The following AHI1 variants were observed in gnomAD, a reference collection of about 807,000 sequenced individuals.
AHI1 encodes jouberin.
AHI1 carries 123 observed loss-of-function variants against 149.3 expected under a neutral mutation model. That is an observed-to-expected ratio of 0.82 (90% CI 0.71 to 0.96). AHI1 has a LOEUF of 0.96. AHI1 is among the 40% of genes least tolerant of loss of function. AHI1 has a pLI of 0.00. For missense variants in AHI1, 1,439 were observed against 1,422.7 expected (o/e 1.01, Z -0.18); for synonymous variants, 475 against 459.8 (o/e 1.03, Z -0.42).
intron 5 of AHI1, among the ~76,000 whole-genome samples, chr6:135,478,856 C>G (rs566252499): frequency 1.3e-5 from 2 of 152,364 alleles, no homozygotes; most frequent in East Asian, 3.9e-4. Flanking sequence ...GGCCTCACTG[C>G]TCTGTGCAGC....
chr6:135,423,194 A>G (rs1403363002), intron 20 of AHI1, among the ~76,000 whole-genome samples: 1 of 152,192 alleles, frequency 6.6e-6, no homozygotes, highest in Non-Finnish European at 1.5e-5. Flanking sequence ...GACACAGTAA[A>G]TGCTTGATAA....
At chr6:135,304,483 T>A (rs895910393) in intron 26 of AHI1, among the ~76,000 whole-genome samples, 1 of 152,108 alleles carries the variant, frequency 6.6e-6, no homozygotes, top group Non-Finnish European at 1.5e-5. Flanking sequence ...TAACAAAAAG[T>A]GAAGACCGCC....
intron 5 of AHI1, among the ~76,000 whole-genome samples, chr6:135,482,893 G>GTTTTTTTTTTTTTTT (rs1491384083): frequency 0.03 from 171 of 5,714 alleles, 3 homozygotes; most frequent in Middle Eastern, 0.14. Context: ...TCCATTTAAG[G>GTTTTTTTTTTTTTTT]CTTTTTTTTT....
chr6:135,390,784 C>A (rs1778374186), intron 23 of AHI1, among the ~76,000 whole-genome samples: 1 of 152,102 alleles, frequency 6.6e-6, no homozygotes. Flanking sequence ...CATGTTTACT[C>A]TACTTTTCAG....
At chr6:135,437,038 G>T (rs1416016075) in intron 15 of AHI1, among the ~76,000 whole-genome samples, 2 of 152,180 alleles carry the variant, frequency 1.3e-5, no homozygotes, top group Admixed American at 6.5e-5. Flanking sequence ...CGTCAGTCAC[G>T]TGCCTCTTTG....
intron 25 of AHI1, among the ~76,000 whole-genome samples, chr6:135,321,638 T>G (rs1186158676): frequency 2.6e-5 from 4 of 152,160 alleles, no homozygotes; most frequent in Non-Finnish European, 5.9e-5. Context: ...AAACTTAGGT[T>G]AGAATCAATA....
At chr6:135,299,645 A>C (rs1364749386) in intron 27 of AHI1, among the ~76,000 whole-genome samples, 2 of 152,214 alleles carry the variant, frequency 1.3e-5, no homozygotes, top group East Asian at 1.9e-4. Context: ...TTTTGATGTA[A>C]AATTTTTTTT....
chr6:135,482,894 C>CTTTTTTTTTTTTTTTTT (rs761997683), intron 5 of AHI1, among the ~76,000 whole-genome samples: 17,648 of 55,610 alleles, frequency 0.32, 7,871 homozygotes, highest in Middle Eastern at 0.39. Flanking sequence ...CCATTTAAGG[C>CTTTTTTTTTTTTTTTTT]TTTTTTTTTT....
chr6:135,319,618 T>C (rs770120963), intron 25 of AHI1, among the ~76,000 whole-genome samples: 1 of 152,194 alleles, frequency 6.6e-6, no homozygotes, highest in Non-Finnish European at 1.5e-5. Flanking sequence ...TGAATCTACA[T>C]AGGGTATTGA....
intron 26 of AHI1, among the ~76,000 whole-genome samples, chr6:135,314,410 GA>G (rs1456192191): frequency 6.6e-6 from 1 of 152,110 alleles, no homozygotes; most frequent in Admixed American, 6.6e-5. Flanking sequence ...AGAAGTGTGA[GA>G]AAAAAATTTT....
At chr6:135,376,230 A>G (rs1775895422) in intron 23 of AHI1, among the ~76,000 whole-genome samples, 1 of 152,204 alleles carries the variant, frequency 6.6e-6, no homozygotes, top group South Asian at 2.1e-4. Flanking sequence ...TCATCAATGG[A>G]CACTGAAATC....
chr6:135,378,391 T>G (rs1305498573), intron 23 of AHI1, among the ~76,000 whole-genome samples: 1 of 152,262 alleles, frequency 6.6e-6, no homozygotes, highest in Non-Finnish European at 1.5e-5. Context: ...TATACTAATT[T>G]CTACCTAAAA....
chr6:135,379,815 G>C (rs1376748695), intron 23 of AHI1, among the ~76,000 whole-genome samples: 2 of 152,012 alleles, frequency 1.3e-5, no homozygotes, highest in African/African-American at 4.8e-5. Flanking sequence ...CCTGTTTCAG[G>C]ATCTTGGATG....
At chr6:135,403,484 C>G (rs1422914243) in intron 22 of AHI1, among the ~76,000 whole-genome samples, 1 of 152,082 alleles carries the variant, frequency 6.6e-6, no homozygotes, top group Non-Finnish European at 1.5e-5. Flanking sequence ...ATCCTTCACC[C>G]TTGGGGAGTT....
At chr6:135,432,957 T>C in intron 16 of AHI1, 70 bp downstream of exon 16, 6 of 1,187,954 alleles carry the variant, frequency 5.1e-6, no homozygotes, top group Non-Finnish European at 7.5e-6. Context: ...CTCTCAAGCC[T>C]AAATAACTAT....
chr6:135,312,449 G>T lies in AHI1; in HGVS notation c.3426+6070C>A, dbSNP rs535664138. Among the ~76,000 whole-genome samples the T allele has an allele frequency of 2.4e-4, 36 of 152,264 alleles. No homozygotes were observed. In the South Asian group the frequency reaches 7.1e-3, roughly 30 times the overall value. ...GAATTGCTTGAACTTGGGAGGTGGA[G>T]GTTGCAGTGAGCTGAGATCTCACCA... is the stretch of plus-strand genomic sequence containing the variant. On this transcript the variant is annotated intron_variant, in intron 26 of 28. Transcript: ENST00000265602.
chr6:135,411,547 G>A lies in AHI1; in HGVS notation c.2765-3C>T. ...CATTTCAGCCTCCTGCTGGGCAACT[G>A]AAGAAATGAATCCATAATTAGTTAA... On this transcript the variant is annotated splice_polypyrimidine_tract_variant and splice_region_variant and intron_variant, in intron 20 of 28. Transcript: ENST00000265602. 6.4e-7 allele frequency: 1 copy of A among 1,557,066 alleles called. No homozygotes were observed. The highest frequency in any genetic ancestry group is 8.7e-7 in the Non-Finnish European group (1 of 1,151,546).
chr6:135,375,920 G>A (rs189349051), intron 23 of AHI1, among the ~76,000 whole-genome samples: 138 of 152,230 alleles, frequency 9.1e-4, no homozygotes, highest in African/African-American at 3.2e-3. Flanking sequence ...TATAAGCACA[G>A]AAGTGCTCAA....
intron 8 of AHI1, among the ~76,000 whole-genome samples, chr6:135,462,771 T>G (rs1304085339): frequency 6.6e-6 from 1 of 151,916 alleles, no homozygotes. Context: ...TATGGTGGCA[T>G]GCATCTGCAA....
Sources: allele counts gnomAD v4.1 joint callset (sites outside exome capture counted in the v4.1 genomes callset), GRCh38; gene constraint gnomAD v4.1.1; transcripts MANE v1.5; gene names NCBI Gene and HGNC (gene_info 2026-07-23, HGNC 2026-07-21).